CHST9: variants seen among roughly 807,000 people sequenced by gnomAD.
CHST9 encodes carbohydrate sulfotransferase 9.
CHST9 carries 41 observed loss-of-function variants against 44.4 expected under a neutral mutation model. That is an observed-to-expected ratio of 0.92 (90% CI 0.72 to 1.20). The LOEUF (loss-of-function observed/expected upper bound fraction) is 1.20, where lower values mean the gene tolerates loss of function less well. CHST9 is among the 50% of genes most tolerant of loss of function. The pLI, the probability that CHST9 is intolerant of heterozygous loss-of-function variation, is 0.00. For synonymous variants in CHST9, 171 were observed against 178.4 expected (o/e 0.96, Z 0.33); for missense variants, 504 against 516.5 (o/e 0.98, Z 0.23).
intron 2 of CHST9, among the ~76,000 whole-genome samples, chr18:27,087,105 T>G (rs546534764): frequency 3.3e-5 from 5 of 152,210 alleles, no homozygotes; most frequent in African/African-American, 1.2e-4. Flanking sequence ...TGTTTTCTAC[T>G]GTATGAATCT....
chr18:27,112,073 T>A (rs956040114), intron 2 of CHST9, among the ~76,000 whole-genome samples: 5 of 149,190 alleles, frequency 3.4e-5, no homozygotes, highest in Admixed American at 1.3e-4. Context: ...TAGATATATA[T>A]TTTTATATAT....
At chr18:27,096,625 A>G (rs2058119395) in intron 2 of CHST9, among the ~76,000 whole-genome samples, 1 of 152,052 alleles carries the variant, frequency 6.6e-6, no homozygotes. Context: ...ACAGAAATAC[A>G]AAAGATCCGT....
At chr18:26,983,129 G>A (rs1364390278) in intron 4 of CHST9, among the ~76,000 whole-genome samples, 1 of 152,152 alleles carries the variant, frequency 6.6e-6, no homozygotes, top group African/African-American at 2.4e-5. Context: ...GTATAACCAA[G>A]CATGGTAGGT....
rs983131390 is a variant in CHST9, at chr18:27,142,671, A to C, written c.121+18T>G. On this transcript the variant is annotated intron_variant, in intron 2 of 5. Coordinates refer to ENST00000618847, the MANE Select transcript of CHST9 (RefSeq NM_031422.6). ...ATTATTGTTACAATTAAAATAGAAG[A>C]AAAAGCACATGTGTTACCTGTATGT... 1 of 1,542,728 alleles carries C rather than the reference A, an allele frequency of 6.5e-7. No homozygotes were observed. Among genetic ancestry groups the C allele is most frequent in the African/African-American group, 1.4e-5 (1 of 71,880 alleles).
intron 2 of CHST9, among the ~76,000 whole-genome samples, chr18:27,099,974 T>C (rs2058154880): frequency 6.6e-6 from 1 of 151,928 alleles, no homozygotes; most frequent in Non-Finnish European, 1.5e-5. Flanking sequence ...TCAACCTAGG[T>C]GTCCATCAAT....
intron 1 of CHST9, among the ~76,000 whole-genome samples, chr18:27,181,273 T>C (rs779957899): frequency 4.1e-4 from 62 of 152,330 alleles, no homozygotes; most frequent in Non-Finnish European, 6.8e-4. Context: ...TTTCATGCTA[T>C]GGTATGAATC....
intron 2 of CHST9, among the ~76,000 whole-genome samples, chr18:27,083,315 A>G (rs1190977072): frequency 1.3e-5 from 2 of 152,146 alleles, no homozygotes; most frequent in Non-Finnish European, 2.9e-5. Flanking sequence ...ATTATACTTT[A>G]TGTTGCCATT....
At chr18:27,113,117 A>T (rs1242186453) in intron 2 of CHST9, among the ~76,000 whole-genome samples, 3 of 151,460 alleles carry the variant, frequency 2.0e-5, no homozygotes, top group Non-Finnish European at 2.9e-5. Context: ...TGAACCCGGG[A>T]GGCGGAACTT....
At chr18:27,159,496 G>T (rs546997484) in intron 1 of CHST9, among the ~76,000 whole-genome samples, 72 of 152,312 alleles carry the variant, frequency 4.7e-4, no homozygotes, top group African/African-American at 1.6e-3. Context: ...GTACCATGCT[G>T]TTTTGGTTAC....
intron 2 of CHST9, among the ~76,000 whole-genome samples, chr18:27,100,129 C>G (rs1047357397): frequency 2.6e-5 from 4 of 151,924 alleles, no homozygotes; most frequent in South Asian, 4.2e-4. Flanking sequence ...CAGCTGGAAA[C>G]AATTATTCTA....
chr18:27,055,937 C>CGTGTGTGT lies in CHST9; in HGVS notation c.122-7442_122-7435dup, dbSNP rs35128328. On this transcript the variant is annotated intron_variant, in intron 2 of 5. Coordinates refer to ENST00000618847, the MANE Select transcript of CHST9 (RefSeq NM_031422.6). ...TTTTCTTCTCACCTCTTCTCTCTTT[C>CGTGTGTGT]GTGTGTGTGTGTGTGTGTGTGTGTG... Among the ~76,000 whole-genome samples, 412 of 147,432 alleles carry CGTGTGTGT rather than the reference C, an allele frequency of 2.8e-3. 1 individual carries two copies. The highest frequency in any genetic ancestry group is 7.2e-3 in the Middle Eastern group (2 of 276).
chr18:27,001,072 A>G (rs1449715312), intron 4 of CHST9, among the ~76,000 whole-genome samples: 1 of 152,228 alleles, frequency 6.6e-6, no homozygotes, highest in African/African-American at 2.4e-5. Context: ...CAGAAGGCAC[A>G]GAGATAGAAG....
chr18:27,142,943 G>C (rs1452457715), intron 1 of CHST9, 38 bp from the exon 2 acceptor site: 2 of 748,078 alleles, frequency 2.7e-6, no homozygotes, highest in Non-Finnish European at 4.1e-6. Flanking sequence ...GTACATTTCT[G>C]CTAATATTAA....
intron 5 of CHST9, among the ~76,000 whole-genome samples, chr18:26,922,129 G>A (rs2055667731): frequency 6.6e-6 from 1 of 152,098 alleles, no homozygotes; most frequent in Non-Finnish European, 1.5e-5. Flanking sequence ...TTTGCAGCCT[G>A]GTGCTGCTGA....
intron 2 of CHST9, among the ~76,000 whole-genome samples, chr18:27,122,900 G>A (rs2058386899): frequency 1.3e-5 from 2 of 152,294 alleles, no homozygotes; most frequent in South Asian, 4.1e-4. Flanking sequence ...GACCAGCACT[G>A]CAGAGCTGGA....
intron 4 of CHST9, among the ~76,000 whole-genome samples, chr18:26,995,394 C>T (rs1459233984): frequency 2.7e-5 from 4 of 147,952 alleles, no homozygotes; most frequent in East Asian, 2.0e-4. Flanking sequence ...GCCAAGATCG[C>T]GCCACTACAC....
At chr18:27,096,120 T>A (rs2058114659) in intron 2 of CHST9, among the ~76,000 whole-genome samples, 1 of 151,954 alleles carries the variant, frequency 6.6e-6, no homozygotes, top group Non-Finnish European at 1.5e-5. Context: ...TATACATCAA[T>A]ACCAAGAAGA....
At chr18:27,002,690 G>A (rs371762146) in intron 4 of CHST9, among the ~76,000 whole-genome samples, 94 of 152,254 alleles carry the variant, frequency 6.2e-4, no homozygotes, top group African/African-American at 2.1e-3. Context: ...AATTTATGAT[G>A]TCCTCAATTT....
At chr18:27,112,911 C>T (rs558160083) in intron 2 of CHST9, among the ~76,000 whole-genome samples, 8 of 152,144 alleles carry the variant, frequency 5.3e-5, no homozygotes, top group Middle Eastern at 3.4e-3. Context: ...ATCAATTAGC[C>T]GGGCCCGATG....
Sources: allele counts gnomAD v4.1 joint callset (sites outside exome capture counted in the v4.1 genomes callset), GRCh38; gene constraint gnomAD v4.1.1; transcripts MANE v1.5; gene names NCBI Gene and HGNC (gene_info 2026-07-23, HGNC 2026-07-21).